CRB1: variants seen among roughly 807,000 people sequenced by gnomAD.
CRB1 encodes the protein protein crumbs homolog 1.
In CRB1, 83 loss-of-function variants were observed where a neutral mutation model predicts 120.0. That is an observed-to-expected ratio of 0.69 (90% CI 0.58 to 0.83). CRB1 has a LOEUF of 0.83. Ranked by LOEUF, CRB1 falls within the 40% of genes least tolerant of loss-of-function variation. The pLI is 0.00. For missense variants in CRB1, 1,699 were observed against 1,687.6 expected (o/e 1.01, Z -0.12); for synonymous variants, 625 against 612.5 (o/e 1.02, Z -0.30).
intron 1 of CRB1, among the ~76,000 whole-genome samples, chr1:197,322,015 T>C (rs1313025697): frequency 5.3e-5 from 8 of 152,182 alleles, no homozygotes; most frequent in Non-Finnish European, 8.8e-5. Flanking sequence ...TTTAGTTCTC[T>C]GTACAAAAAT....
At chr1:197,471,467 G>T (rs1243774228) in intron 11 of CRB1, among the ~76,000 whole-genome samples, 2 of 152,158 alleles carry the variant, frequency 1.3e-5, no homozygotes, top group Non-Finnish European at 2.9e-5. Context: ...AGGAGAAAAT[G>T]ATACTCAGCA....
At chr1:197,408,062 A>C (rs1431216875) in intron 5 of CRB1, among the ~76,000 whole-genome samples, 1 of 152,196 alleles carries the variant, frequency 6.6e-6, no homozygotes, top group East Asian at 1.9e-4. Flanking sequence ...AAGTAAACAT[A>C]GAAAGAGGTA....
intron 5 of CRB1, among the ~76,000 whole-genome samples, chr1:197,375,833 C>T (rs1206043453): frequency 6.6e-6 from 1 of 152,134 alleles, no homozygotes; most frequent in Non-Finnish European, 1.5e-5. Context: ...AGAATGCATA[C>T]ACCTCCTCAG....
intron 11 of CRB1, among the ~76,000 whole-genome samples, chr1:197,477,348 T>C (rs1042816833): frequency 9.2e-5 from 14 of 152,168 alleles, no homozygotes; most frequent in African/African-American, 2.7e-4. Context: ...ATTTTATAAA[T>C]ATAAGTGTGG....
chr1:197,373,651 C>T (rs1661493622), intron 5 of CRB1, among the ~76,000 whole-genome samples: 1 of 152,042 alleles, frequency 6.6e-6, no homozygotes, highest in Non-Finnish European at 1.5e-5. Flanking sequence ...ATCTGTGGGC[C>T]AGAAAGAGGC....
At chr1:197,407,865 G>T (rs560023757) in intron 5 of CRB1, among the ~76,000 whole-genome samples, 10 of 152,178 alleles carry the variant, frequency 6.6e-5, no homozygotes, top group Non-Finnish European at 8.8e-5. Context: ...GGATACATTA[G>T]ATATCTGCAA....
chr1:197,212,730 A>G, the CRB1 span, among the ~76,000 whole-genome samples: 33,870 of 152,070 alleles, frequency 0.22, 4,240 homozygotes, highest in Middle Eastern at 0.29. Flanking sequence ...TACACTTTAA[A>G]TGTACACAGA....
At chr1:197,450,796 A>AG (rs1221882515) in intron 11 of CRB1, among the ~76,000 whole-genome samples, 1 of 142,898 alleles carries the variant, frequency 7.0e-6, no homozygotes, top group Non-Finnish European at 1.5e-5. Flanking sequence ...AAAAAAAAAA[A>AG]AAAAAAAAAA....
intron 6 of CRB1, 141 bp from the exon 7 acceptor site, chr1:197,427,313 T>C (rs2125483053): frequency 1.5e-6 from 1 of 684,396 alleles, no homozygotes; most frequent in South Asian, 1.8e-5. Flanking sequence ...TGTCCTGAAC[T>C]TTAAAAGCTA....
At chr1:197,324,856 CCTCTT>C (rs1210743539) in intron 1 of CRB1, among the ~76,000 whole-genome samples, 1 of 152,124 alleles carries the variant, frequency 6.6e-6, no homozygotes, top group Non-Finnish European at 1.5e-5. Context: ...ATAAAAATGT[CCTCTT>C]CTCACTATAT....
chr1:197,452,248 G>A (rs367770959), intron 11 of CRB1, among the ~76,000 whole-genome samples: 1 of 152,190 alleles, frequency 6.6e-6, no homozygotes, highest in African/African-American at 2.4e-5. Context: ...CAGAGAGATT[G>A]TGAATGAGAG....
intron 1 of CRB1, among the ~76,000 whole-genome samples, chr1:197,272,112 T>A (rs1434952481): frequency 6.6e-6 from 1 of 152,076 alleles, no homozygotes; most frequent in Non-Finnish European, 1.5e-5. Flanking sequence ...TAAGAAATAA[T>A]TGAATTTGCT....
chr1:197,297,874 A>C (rs923356143), intron 1 of CRB1, among the ~76,000 whole-genome samples: 1 of 152,136 alleles, frequency 6.6e-6, no homozygotes, highest in Non-Finnish European at 1.5e-5. Flanking sequence ...AAATATCAAG[A>C]CTTCAAGTAA....
At chr1:197,266,268 A>T (rs1245425816), upstream of CRB1, among the ~76,000 whole-genome samples, 1 of 152,176 alleles carries the variant, frequency 6.6e-6, no homozygotes, top group East Asian at 1.9e-4. Flanking sequence ...GAAGAGGAAC[A>T]TCAAGGTACC....
chr1:197,460,619 C>G (rs748927049), intron 11 of CRB1, among the ~76,000 whole-genome samples: 3 of 152,098 alleles, frequency 2.0e-5, no homozygotes, highest in Non-Finnish European at 2.9e-5. Context: ...TTTACAGATG[C>G]TGAAACGAAG....
At chr1:197,464,153 C>T (rs1358558650) in intron 11 of CRB1, among the ~76,000 whole-genome samples, 6 of 152,140 alleles carry the variant, frequency 3.9e-5, no homozygotes, top group Admixed American at 1.3e-4. Flanking sequence ...AGCTCCTCCT[C>T]GTGTTGCTAA....
chr1:197,254,015 G>A, the CRB1 span, among the ~76,000 whole-genome samples: 1 of 152,022 alleles, frequency 6.6e-6, no homozygotes, highest in African/African-American at 2.4e-5. Flanking sequence ...AATGCTTCAG[G>A]CAGCTATTGA....
intron 5 of CRB1, among the ~76,000 whole-genome samples, chr1:197,373,623 A>G (rs965698789): frequency 6.6e-6 from 1 of 152,206 alleles, no homozygotes; most frequent in Non-Finnish European, 1.5e-5. Context: ...AACAGCCTTA[A>G]TAAACTGTTT....
In CRB1 at chr1:197,421,287, T is replaced by G. The variant is rs1664298414; in HGVS notation, c.1459T>G (p.Ser487Ala). 1 of 1,614,224 alleles carries G rather than the reference T, an allele frequency of 6.2e-7. No individual in the cohort carries two copies. The highest frequency in any genetic ancestry group is 1.3e-5 in the African/African-American group (1 of 75,056). Residue 487 changes from serine (S) to alanine (A), a missense_variant, in exon 6 of 12, where the codon TCA becomes GCA. Physicochemically the swap from Ser to Ala is moderately conservative, Grantham distance 99 (BLOSUM62 1). Coordinates refer to ENST00000367400, the MANE Select transcript of CRB1 (RefSeq NM_201253.3). ...CCTGTGTGAAATCGCAACCACACTT[T>G]CATTTGAGGGCGATGGCTTCCTGTG... ...GSLCEIATTL[S>A]FEGDGFLWVK...
Sources: gnomAD v4.1 joint callset for allele counts (sites outside exome capture counted in the v4.1 genomes callset) on GRCh38, gnomAD v4.1.1 for gene constraint, MANE v1.5 for transcripts, NCBI Gene and HGNC (gene_info 2026-07-23, HGNC 2026-07-21) for gene names.